Variants in STARD13 observed in about 807,000 individuals in gnomAD.
STARD13 encodes the protein stAR-related lipid transfer protein 13.
STARD13 carries 62 observed loss-of-function variants against 106.4 expected under a neutral mutation model. The ratio of observed to expected loss-of-function variants is 0.58; its 90% confidence interval spans 0.48 to 0.72. The LOEUF is 0.72. Ranked by LOEUF, STARD13 falls within the 30% of genes least tolerant of loss-of-function variation. The pLI is 0.00. For missense variants in STARD13, 1,387 were observed against 1,424.0 expected, an observed-to-expected ratio of 0.97 and a Z score of 0.42; for synonymous variants, 565 against 553.0, an observed-to-expected ratio of 1.02 and a Z score of -0.31.
intron 1 of STARD13, among the ~76,000 whole-genome samples, chr13:33,175,581 T>C (rs1037438960): frequency 2.0e-5 from 3 of 152,178 alleles, no homozygotes; most frequent in Admixed American, 6.5e-5. Context: ...GTCTTGATAT[T>C]GGCTCTCAGA....
At chr13:33,286,274 T>C (rs1472629421), upstream of STARD13, among the ~76,000 whole-genome samples, 1 of 152,048 alleles carries the variant, frequency 6.6e-6, no homozygotes, top group African/African-American at 2.4e-5. Context: ...AAAAATAAAC[T>C]TCAAGGGCTT....
At chr13:33,390,198 A>C in the STARD13 span, among the ~76,000 whole-genome samples, 1 of 152,174 alleles carries the variant, frequency 6.6e-6, no homozygotes, top group Non-Finnish European at 1.5e-5. Flanking sequence ...ATTAATAAAT[A>C]TAAGAAAAAA....
chr13:33,142,254 C>G (rs1388332609), intron 4 of STARD13, 56 bp downstream of exon 4: 5 of 1,369,634 alleles, frequency 3.7e-6, no homozygotes, highest in Non-Finnish European at 4.2e-6. Flanking sequence ...AGATTGATCT[C>G]AAACTCCTGG....
chr13:33,445,980 T>C, the STARD13 span, among the ~76,000 whole-genome samples: 2 of 152,116 alleles, frequency 1.3e-5, no homozygotes, highest in Non-Finnish European at 2.9e-5. Context: ...ACTATAGCAC[T>C]CCTCATGTTA....
chr13:33,531,742 C>A, the STARD13 span, among the ~76,000 whole-genome samples: 1 of 152,124 alleles, frequency 6.6e-6, no homozygotes, highest in South Asian at 2.1e-4. Context: ...TCCAATACTT[C>A]CAGTTTGAAT....
intron 1 of STARD13, among the ~76,000 whole-genome samples, chr13:33,226,623 CAG>C (rs1888641410): frequency 6.6e-6 from 1 of 151,896 alleles, no homozygotes; most frequent in South Asian, 2.1e-4. Context: ...TTAGTAGAGA[CAG>C]GGTTTCACCA....
At chr13:33,547,367 A>T in the STARD13 span, among the ~76,000 whole-genome samples, 3 of 152,216 alleles carry the variant, frequency 2.0e-5, no homozygotes, top group Non-Finnish European at 4.4e-5. Flanking sequence ...CTACTGTACA[A>T]AATTTTACAT....
the STARD13 span, among the ~76,000 whole-genome samples, chr13:33,573,845 T>C: frequency 2.0e-5 from 3 of 152,202 alleles, no homozygotes; most frequent in African/African-American, 7.2e-5. Context: ...CAGTATCCTG[T>C]GACCCTGTCT....
chr13:33,146,490 A>C (rs1046689630), intron 3 of STARD13, among the ~76,000 whole-genome samples: 1 of 152,216 alleles, frequency 6.6e-6, no homozygotes, highest in Non-Finnish European at 1.5e-5. Flanking sequence ...TAGCTGAAAA[A>C]ATAAAGTTTT....
the STARD13 span, among the ~76,000 whole-genome samples, chr13:33,661,684 C>T: frequency 6.6e-6 from 1 of 152,142 alleles, no homozygotes; most frequent in East Asian, 1.9e-4. Flanking sequence ...TGAGAACTCA[C>T]TAATTATCAA....
intron 1 of STARD13, among the ~76,000 whole-genome samples, chr13:33,207,776 G>A (rs1887499611): frequency 6.6e-6 from 1 of 152,172 alleles, no homozygotes; most frequent in Non-Finnish European, 1.5e-5. Flanking sequence ...GGTGTTGCAA[G>A]TCTTTGCTTG....
At chr13:33,346,683 G>A (rs2078020477), downstream of STARD13, among the ~76,000 whole-genome samples, 2 of 152,052 alleles carry the variant, frequency 1.3e-5, no homozygotes. Context: ...AGGCTGGGGT[G>A]CAGTGGTGCA....
intron 1 of STARD13, among the ~76,000 whole-genome samples, chr13:33,274,890 C>T (rs1205872002): frequency 6.6e-6 from 1 of 152,150 alleles, no homozygotes; most frequent in Non-Finnish European, 1.5e-5. Flanking sequence ...CCGCTTACCC[C>T]CACCAAGAAC....
chr13:33,172,324 G>T (rs1054948974), intron 1 of STARD13, among the ~76,000 whole-genome samples: 13 of 152,286 alleles, frequency 8.5e-5, no homozygotes, highest in African/African-American at 2.9e-4. Flanking sequence ...TTCCCTGTAG[G>T]AAGATTATAA....
chr13:33,453,060 TG>T, the STARD13 span, among the ~76,000 whole-genome samples: 1 of 152,224 alleles, frequency 6.6e-6, no homozygotes, highest in South Asian at 2.1e-4. Flanking sequence ...CAGGCCTCCT[TG>T]GGCAACATCC....
chr13:33,276,753 T>G (rs1891459546), intron 1 of STARD13: 1 of 152,130 alleles, frequency 6.6e-6, no homozygotes, highest in African/African-American at 2.4e-5. Context: ...ATTAGGTACT[T>G]GGTGACTGCC....
chr13:33,405,910 G>C, the STARD13 span, among the ~76,000 whole-genome samples: 1 of 152,198 alleles, frequency 6.6e-6, no homozygotes, highest in Admixed American at 6.5e-5. Flanking sequence ...TAGCTAACAT[G>C]TAGAGAGCAC....
chr13:33,644,261 A>G, the STARD13 span, among the ~76,000 whole-genome samples: 3 of 152,236 alleles, frequency 2.0e-5, no homozygotes, highest in African/African-American at 7.2e-5. Context: ...GGACAACACT[A>G]ACATCTTTCT....
chr13:33,612,547 C>T, the STARD13 span, among the ~76,000 whole-genome samples: 269 of 152,202 alleles, frequency 1.8e-3, 2 homozygotes, highest in East Asian at 8.1e-3. Context: ...TTGCAAAAAC[C>T]GCACCATCCT....
Sources: allele counts gnomAD v4.1 joint callset (sites outside exome capture counted in the v4.1 genomes callset), GRCh38; gene constraint gnomAD v4.1.1; transcripts MANE v1.5; gene names NCBI Gene and HGNC (gene_info 2026-07-23, HGNC 2026-07-21).